GPR119: variants seen among roughly 807,000 people sequenced by gnomAD.
The protein encoded by GPR119 is glucose-dependent insulinotropic receptor.
GPR119 carries 7 observed loss-of-function variants against 13.3 expected under a neutral mutation model. The ratio of observed to expected loss-of-function variants is 0.53; its 90% CI spans 0.30 to 0.99. The LOEUF is 0.99. Among genes scored for constraint, GPR119 ranks in the 50% least tolerant of loss-of-function variants. The pLI is 0.06. For missense variants in GPR119, 197 were observed against 263.0 expected (o/e 0.75, Z 1.74); for synonymous variants, 107 against 112.5 (o/e 0.95, Z 0.31).
In GPR119 at chrX:130,385,200, G is replaced by A; in HGVS notation, c.248C>T (p.Ala83Val). Residue 83 changes from alanine (A) to valine (V), a missense_variant, in exon 1 of 2, where the codon GCA becomes GTA. Coordinates refer to ENST00000682440, the MANE Select transcript of GPR119 (RefSeq NM_178471.3). The part of the protein sequence containing the change: ...TQKTLCSLRM[A>V]FVTSSAAASV... ...GGCAGCTGCGGAGGAAGTGACAAAT[G>A]CCATCCGCAGGCTGCACAGGGTCTT... 8.3e-7 allele frequency: 1 copy of A among 1,212,088 alleles called. No homozygotes were observed. The highest frequency in any genetic ancestry group is 1.1e-6 in the Non-Finnish European group (1 of 895,516).
rs1484469800 is a variant in GPR119, at chrX:130,380,560, A to G, written c.*1996T>C. ...ACTTAGTCATGTTACAATTTTAATT[A>G]CAAATTCAGCCTGGTGCAGTGGCTT... On this transcript the variant is annotated 3_prime_UTR_variant, in exon 2 of 2. Coordinates refer to ENST00000682440, the MANE Select transcript of GPR119 (RefSeq NM_178471.3). Among the ~76,000 whole-genome samples the G allele has an allele frequency of 8.8e-6, 1 of 113,018 alleles. No homozygotes were observed. The highest frequency in any genetic ancestry group is 3.2e-5 in the African/African-American group (1 of 31,116).
rs1346003449 is a variant in GPR119, at chrX:130,382,561, A to G, written c.*5-10T>C. Among the ~76,000 whole-genome samples the G allele has an allele frequency of 1.8e-5, 2 of 111,813 alleles. No homozygotes were observed. The highest frequency in any genetic ancestry group is 3.8e-5 in the Non-Finnish European group (2 of 53,203). On this transcript the variant is annotated splice_polypyrimidine_tract_variant and intron_variant, in intron 1 of 1. Transcript: ENST00000682440. ...CTGGTAAGCAAAGCGACTGCAAAAA[A>G]TTTACCAAAAGTGGGTTGATGTGTA... is the stretch of plus-strand genomic sequence containing the variant.
rs2034377789 is a variant in GPR119, at chrX:130,385,039, CA to C, written c.408del (p.Ile136MetfsTer32). On this transcript the variant is annotated frameshift_variant, in exon 1 of 2. Transcript: ENST00000682440. LOFTEE classifies it high-confidence loss of function. ...IAGLWLVSYL[I>X]GFLPLGIPMF... The stretch of plus-strand genomic sequence containing the variant: ...ATGGGGATTCCGAGTGGGAGGAAGC[CA>C]ATGAGGTAAGACACTAACCACAGCC... 1 of 1,211,811 alleles carries C rather than the reference CA, an allele frequency of 8.3e-7. No individual in the cohort carries two copies. Among genetic ancestry groups the C allele is most frequent in the African/African-American group, 1.7e-5 (1 of 57,823 alleles).
In GPR119 at chrX:130,379,785, T is replaced by G. The variant is rs2034351443; in HGVS notation, c.*2771A>C. ...AGTATAATTATGGGTACTTTGTGAT[T>G]TCCTATGTTTGCAAAATTTTTTTAA... On this transcript the variant is annotated 3_prime_UTR_variant, in exon 2 of 2. Transcript: ENST00000682440. Among the ~76,000 whole-genome samples the G allele has an allele frequency of 8.9e-6, 1 of 112,364 alleles. No homozygotes were observed. Among genetic ancestry groups the G allele is most frequent in the African/African-American group, 3.2e-5 (1 of 30,964 alleles).
Position 130,384,589 on chromosome X carries a change from G to A in GPR119, c.859C>T (p.Arg287Ter), listed in dbSNP as rs771380953. The change falls in exon 1 of 2, where the codon CGA (arginine) becomes TGA (stop). Residue 287 changes from arginine (R) to a stop codon, truncating the protein, a stop_gained. Transcript: ENST00000682440. LOFTEE classifies it high-confidence loss of function. The stretch of plus-strand genomic sequence containing the variant: ...AGGGCCATGTGGTAGAGCTGCAGTC[G>A]CACCTCCTTCTGCCAATAGGCATAG... ...LIYAYWQKEV[R>*]LQLYHMALGV... 1.3e-5 allele frequency: 16 copies of A among 1,210,239 alleles called. No homozygotes were observed. The highest frequency in any genetic ancestry group is 1.0e-4 in the African/African-American group (6 of 57,243).
Position 130,380,028 on chromosome X carries a change from A to C in GPR119, c.*2528T>G, listed in dbSNP as rs2034352373. On this transcript the variant is annotated 3_prime_UTR_variant, in exon 2 of 2. Transcript: ENST00000682440. ...ATAAGATTGCAGAAATAACAAGTGA[A>C]GATTTTTTAATTAAAAGGAGAAAAT... Among the ~76,000 whole-genome samples the C allele has an allele frequency of 8.9e-6, 1 of 112,343 alleles. No individual in the cohort carries two copies. Among genetic ancestry groups the C allele is most frequent in the Non-Finnish European group, 1.9e-5 (1 of 53,332 alleles).
chrX:130,381,200 G>C lies in GPR119; in HGVS notation c.*1356C>G, dbSNP rs1166000967. 9.0e-6 allele frequency among the ~76,000 whole-genome samples: 1 copy of C among 110,854 alleles called. No homozygotes were observed. The highest frequency in any genetic ancestry group is 1.9e-5 in the Non-Finnish European group (1 of 52,916). ...GAGTCTCACTCTGTTGCCCAGGCTG[G>C]AGTGCAGTGGCGCGACCTTGGCTCA... On this transcript the variant is annotated 3_prime_UTR_variant, in exon 2 of 2. Coordinates refer to ENST00000682440, the MANE Select transcript of GPR119 (RefSeq NM_178471.3).
rs771364484 is a variant in GPR119 at position 130,381,623 on chromosome X, G to T, written c.*933C>A. 9.0e-5 allele frequency among the ~76,000 whole-genome samples: 10 copies of T among 111,674 alleles called. No homozygotes were observed. Among genetic ancestry groups the T allele is most frequent in the African/African-American group, 3.3e-4 (10 of 30,701 alleles). On this transcript the variant is annotated 3_prime_UTR_variant, in exon 2 of 2. Transcript: ENST00000682440. ...TTTAAAAATCTTATTCAGAGGTTGA[G>T]GAATTTACAGTTCTGAGTCCAATTG...
rs59046436 is a variant in GPR119, at chrX:130,382,350, C to G, written c.*206G>C. On this transcript the variant is annotated 3_prime_UTR_variant, in exon 2 of 2. Coordinates refer to ENST00000682440, the MANE Select transcript of GPR119 (RefSeq NM_178471.3). ...CAAAATCCAGTTATTCGTATTTTAC[C>G]TAGTTCCCAGTAACTCACAATACAA... 7.4e-3 allele frequency among the ~76,000 whole-genome samples: 822 copies of G among 111,499 alleles called. 13 individuals carry two copies. The highest frequency in any genetic ancestry group is 0.026 in the African/African-American group (783 of 30,689).
In GPR119 at chrX:130,380,556, A is replaced by T. The variant is rs2034354072; in HGVS notation, c.*2000T>A. On this transcript the variant is annotated 3_prime_UTR_variant, in exon 2 of 2. Coordinates refer to ENST00000682440, the MANE Select transcript of GPR119 (RefSeq NM_178471.3). ...TAAAACTTAGTCATGTTACAATTTT[A>T]ATTACAAATTCAGCCTGGTGCAGTG... is the stretch of plus-strand genomic sequence containing the variant. Among the ~76,000 whole-genome samples, 2 of 112,875 alleles carry T rather than the reference A, an allele frequency of 1.8e-5. No homozygotes were observed. Among genetic ancestry groups the T allele is most frequent in the Admixed American group, 1.9e-4 (2 of 10,706 alleles).
rs1309154043 is a variant in GPR119, at chrX:130,385,627, CCT to C, written c.-182_-181del. On this transcript the variant is annotated 5_prime_UTR_variant, in exon 1 of 2. Coordinates refer to ENST00000682440, the MANE Select transcript of GPR119 (RefSeq NM_178471.3). ...CTACAGGTCATGAAGAATTACTCAC[CCT>C]CTCTTTTCAGTCCTCAGCCTCCTGC... 1.8e-5 allele frequency among the ~76,000 whole-genome samples: 2 copies of C among 110,464 alleles called. No homozygotes were observed. The highest frequency in any genetic ancestry group is 3.8e-5 in the Non-Finnish European group (2 of 52,933).
In GPR119 at chrX:130,382,397, T is replaced by C. The variant is rs1010957241; in HGVS notation, c.*159A>G. 4.5e-5 allele frequency among the ~76,000 whole-genome samples: 5 copies of C among 111,781 alleles called. No individual in the cohort carries two copies. In the Admixed American group the frequency reaches 4.8e-4, roughly 11 times the overall value. On this transcript the variant is annotated 3_prime_UTR_variant, in exon 2 of 2. Coordinates refer to ENST00000682440, the MANE Select transcript of GPR119 (RefSeq NM_178471.3). ...ACAATCCAAGAATGTGCCTTATTGC[T>C]GGCCTGGTACTTGCTGGATGCTCAG...
chrX:130,384,311 T>A (rs1412830163), intron 1 of GPR119, 125 bp downstream of exon 1: 1 of 570,269 alleles, frequency 1.8e-6, no homozygotes, highest in African/African-American at 2.3e-5. Flanking sequence ...AGTCTGGGGG[T>A]GGGGGATGCT....
At position 130,384,735 on chromosome X, in the gene GPR119, C is replaced by T; in HGVS notation, c.713G>A (p.Trp238Ter). ...SVLIGSFALSWTPFLITGIVQ... is the reference protein window; with the variant it reads ...SVLIGSFALS ...AATGCCAGTGATAAGGAAGGGGGTC[C>T]AGGATAGAGCAAAGCTCCCAATGAG... Residue 238 changes from tryptophan (W) to a stop codon, truncating the protein, a stop_gained, in exon 1 of 2, where the codon TGG becomes TAG. Transcript: ENST00000682440. LOFTEE classifies it high-confidence loss of function. The T allele has an allele frequency of 3.3e-6, 4 of 1,211,602 alleles. No homozygotes were observed. The highest frequency in any genetic ancestry group is 4.5e-6 in the Non-Finnish European group (4 of 895,475).
At chrX:130,383,303 C>T (rs1375366236) in intron 1 of GPR119, among the ~76,000 whole-genome samples, 1 of 112,238 alleles carries the variant, frequency 8.9e-6, no homozygotes, top group Non-Finnish European at 1.9e-5. Flanking sequence ...GATGAGGCAC[C>T]TGCTCCTCAG....
At position 130,380,910 on chromosome X, in the gene GPR119, A is replaced by G. The variant is rs1370957088; in HGVS notation, c.*1646T>C. On this transcript the variant is annotated 3_prime_UTR_variant, in exon 2 of 2. Transcript: ENST00000682440. ...AATGGGACTGATTGGCCTACATTGCATCCTACAAGGTATTAATATCTGGGA... is the reference window on the plus strand; with the variant it reads ...AATGGGACTGATTGGCCTACATTGCGTCCTACAAGGTATTAATATCTGGGA... 8.9e-6 allele frequency among the ~76,000 whole-genome samples: 1 copy of G among 112,429 alleles called. No individual in the cohort carries two copies. The highest frequency in any genetic ancestry group is 1.9e-5 in the Non-Finnish European group (1 of 53,288).
At chrX:130,383,999 T>C (rs1003310680) in intron 1 of GPR119, among the ~76,000 whole-genome samples, 11 of 112,509 alleles carry the variant, frequency 9.8e-5, no homozygotes, top group African/African-American at 3.6e-4. Flanking sequence ...ATTGGTTACG[T>C]TGGGATAAAT....
chrX:130,385,195 C>A lies in GPR119; in HGVS notation c.253G>T (p.Val85Phe). The change falls in exon 1 of 2, where the codon GTC (valine) becomes TTC (phenylalanine). Residue 85 changes from valine (V) to phenylalanine (F), a missense_variant. Physicochemically the swap from Val to Phe is conservative, Grantham distance 50 (BLOSUM62 -1). Transcript: ENST00000682440. ...ACAGAGGCAGCTGCGGAGGAAGTGA[C>A]AAATGCCATCCGCAGGCTGCACAGG... Reference protein sequence around the residue: ...KTLCSLRMAFVTSSAAASVLT... With the variant: ...KTLCSLRMAFFTSSAAASVLT... 1.7e-6 allele frequency: 2 copies of A among 1,212,116 alleles called. No homozygotes were observed. Among genetic ancestry groups the A allele is most frequent in the Non-Finnish European group, 2.2e-6 (2 of 895,575 alleles).
rs1344811550 is a variant in GPR119, at chrX:130,385,518, G to T, written c.-71C>A. 9.6e-7 allele frequency: 1 copy of T among 1,046,898 alleles called. No homozygotes were observed. Among genetic ancestry groups the T allele is most frequent in the Non-Finnish European group, 1.3e-6 (1 of 758,518 alleles). 86.3% of individuals were successfully genotyped at this position (1,046,898 alleles called of 1,213,427 possible). A position where few individuals can be genotyped will look rare whatever the true frequency, so the allele number is the denominator to read the frequency against. The stretch of plus-strand genomic sequence containing the variant: ...CAGCTGAAATTCTCATGGGCCAGGG[G>T]CAGAGGAGCTGTGGGTTCAGAGCTA... On this transcript the variant is annotated 5_prime_UTR_variant, in exon 1 of 2. Coordinates refer to ENST00000682440, the MANE Select transcript of GPR119 (RefSeq NM_178471.3).
Sources: gnomAD v4.1 joint callset for allele counts (sites outside exome capture counted in the v4.1 genomes callset) on GRCh38, gnomAD v4.1.1 for gene constraint, MANE v1.5 for transcripts, NCBI Gene and HGNC (gene_info 2026-07-23, HGNC 2026-07-21) for gene names.